BAG3: variants seen among roughly 807,000 people sequenced by gnomAD.
BAG3 encodes the protein BAG family molecular chaperone regulator 3.
Under a neutral mutation model 40.5 loss-of-function variants are expected in BAG3, and 14 were observed. The observed-to-expected ratio is 0.35, with a 90% CI of 0.23 to 0.54. The LOEUF (loss-of-function observed/expected upper bound fraction) is 0.54, where lower values mean the gene tolerates loss of function less well. Among genes scored for constraint, BAG3 ranks in the 20% least tolerant of loss-of-function variants. BAG3 has a pLI of 0.91. For synonymous variants in BAG3, 302 were observed against 307.8 expected (o/e 0.98, Z 0.20); for missense variants, 788 against 758.6 (o/e 1.04, Z -0.46).
Position 119,651,412 on chromosome 10 carries a change from G to A in BAG3, c.-264G>A, listed in dbSNP as rs1244827923. On this transcript the variant is annotated 5_prime_UTR_variant, in exon 1 of 4. Transcript: ENST00000369085. The stretch of plus-strand genomic sequence containing the variant: ...ACCCCGGGCCGCGGCCAACTTCTCT[G>A]GACTGGACCAGAAGTTTCTAGCCGG... 2 of 374,444 alleles carry A rather than the reference G, an allele frequency of 5.3e-6. No individual in the cohort carries two copies. Among genetic ancestry groups the A allele is most frequent in the Non-Finnish European group, 9.4e-6 (2 of 212,392 alleles). 23.2% of individuals were successfully genotyped at this position (374,444 alleles called of 1,614,324 possible).
At chr10:119,673,936 A>G (rs1453870704) in intron 3 of BAG3, among the ~76,000 whole-genome samples, 1 of 152,240 alleles carries the variant, frequency 6.6e-6, no homozygotes, top group Non-Finnish European at 1.5e-5. Context: ...CTCGTTCATA[A>G]CCATGGTAGA....
intron 1 of BAG3, among the ~76,000 whole-genome samples, chr10:119,656,249 G>GAAC (rs901444159): frequency 3.9e-5 from 6 of 152,076 alleles, no homozygotes; most frequent in African/African-American, 1.4e-4. Flanking sequence ...TGGCACTGGC[G>GAAC]AACACGAGTG....
chr10:119,670,869 C>G (rs1251666860), intron 2 of BAG3, among the ~76,000 whole-genome samples: 1 of 152,120 alleles, frequency 6.6e-6, no homozygotes, highest in Non-Finnish European at 1.5e-5. Flanking sequence ...AGCAGTAAGT[C>G]CTCTCATTTT....
intron 1 of BAG3, among the ~76,000 whole-genome samples, chr10:119,665,133 TATATATATA>T (rs1847045008): frequency 4.1e-5 from 3 of 73,110 alleles, no homozygotes; most frequent in Non-Finnish European, 6.1e-5. Flanking sequence ...TGTGTATATA[TATATATATA>T]TATTTTTTTT....
chr10:119,666,107 C>A (rs1314330325), intron 1 of BAG3, among the ~76,000 whole-genome samples: 1 of 152,228 alleles, frequency 6.6e-6, no homozygotes, highest in African/African-American at 2.4e-5. Context: ...CCTTTACCCT[C>A]CAGGCCCTCT....
In BAG3 at chr10:119,677,260, C is replaced by G; in HGVS notation, c.1706C>G (p.Pro569Arg). 1.2e-6 allele frequency: 2 copies of G among 1,614,098 alleles called. No individual in the cohort carries two copies. The highest frequency in any genetic ancestry group is 8.5e-7 in the Non-Finnish European group (1 of 1,180,040). The change falls in exon 4 of 4, where the codon CCT (proline) becomes CGT (arginine). Residue 569 changes from proline (P) to arginine (R), a missense_variant. Physicochemically the swap from Pro to Arg is moderately radical, Grantham distance 103. Transcript: ENST00000369085. Reference sequence around the variant, plus strand: ...AACCCCAGCAGCATGACAGACACCCCTGGTAACCCAGCAGCACCGTAGCCT... The same window carrying G: ...AACCCCAGCAGCATGACAGACACCCGTGGTAACCCAGCAGCACCGTAGCCT... ...TSNPSSMTDT[P>R]GNPAAP
At chr10:119,669,319 C>T (rs1156763495) in intron 1 of BAG3, among the ~76,000 whole-genome samples, 1 of 152,210 alleles carries the variant, frequency 6.6e-6, no homozygotes, top group Non-Finnish European at 1.5e-5. Flanking sequence ...TCTAACAATA[C>T]TCCTGAGGAG....
chr10:119,672,291 T>C lies in BAG3; in HGVS notation c.544T>C (p.Ser182Pro), dbSNP rs1265861420. 1 of 1,613,904 alleles carries C rather than the reference T, an allele frequency of 6.2e-7. No individual in the cohort carries two copies. The highest frequency in any genetic ancestry group is 1.7e-5 in the Admixed American group (1 of 60,022). The change falls in exon 3 of 4, where the codon TCA (serine) becomes CCA (proline). Residue 182 changes from serine to proline, a missense_variant. Transcript: ENST00000369085. This position sits in a 1 kb window ranked among gnomAD's most constrained non-coding sequence, Gnocchi z 4.8. Reference protein sequence around the residue: ...QSPAASDCSSSSSSASLPSSG... With the variant: ...QSPAASDCSSPSSSASLPSSG... The stretch of plus-strand genomic sequence containing the variant: ...TCCAGCTGCCTCTGACTGCTCATCC[T>C]CATCCTCCTCGGCCAGCCTGCCTTC...
In BAG3 at chr10:119,658,141, A is replaced by G. The variant is rs192199489; in HGVS notation, c.180+6286A>G. Among the ~76,000 whole-genome samples the G allele has an allele frequency of 3.3e-3, 502 of 152,314 alleles. 3 individuals are homozygous for G. Among genetic ancestry groups the G allele is most frequent in the African/African-American group, 0.011 (469 of 41,570 alleles). ...AGTGTTTATTAAAGTAGAATTATAT[A>G]TTTTTTTCAGTTATTTAAAAAATTC... On this transcript the variant is annotated intron_variant, in intron 1 of 3. Coordinates refer to ENST00000369085, the MANE Select transcript of BAG3 (RefSeq NM_004281.4).
chr10:119,676,224 G>T (rs1363661647), intron 3 of BAG3, among the ~76,000 whole-genome samples: 1 of 151,922 alleles, frequency 6.6e-6, no homozygotes, highest in Non-Finnish European at 1.5e-5. Context: ...TCAGTGAGAG[G>T]TAATAGACAA....
intron 2 of BAG3, among the ~76,000 whole-genome samples, chr10:119,671,102 A>G (rs577455239): frequency 5.9e-5 from 9 of 152,226 alleles, no homozygotes; most frequent in African/African-American, 2.2e-4. Context: ...GAGGCCAGGA[A>G]TTCAAGACCA....
At chr10:119,669,283 C>T (rs1271420094) in intron 1 of BAG3, among the ~76,000 whole-genome samples, 1 of 152,216 alleles carries the variant, frequency 6.6e-6, no homozygotes, top group East Asian at 1.9e-4. Context: ...CTCTGCATCC[C>T]TGTCCTTCCC....
intron 1 of BAG3, among the ~76,000 whole-genome samples, chr10:119,652,325 A>G (rs1846854560): frequency 1.3e-5 from 2 of 152,114 alleles, no homozygotes; most frequent in African/African-American, 4.8e-5. Context: ...GCAAGCTTGG[A>G]TGGTGGTTTT....
In BAG3 at chr10:119,657,427, T is replaced by C. The variant is rs1255371154; in HGVS notation, c.180+5572T>C. The stretch of plus-strand genomic sequence containing the variant: ...GTTAGGAGTTCTGGGGCAGAGTCTG[T>C]GTGCTTCATCGCTGCCTCTTGATGC... On this transcript the variant is annotated intron_variant, in intron 1 of 3. Coordinates refer to ENST00000369085, the MANE Select transcript of BAG3 (RefSeq NM_004281.4). 7.0e-6 allele frequency: 3 copies of C among 428,142 alleles called. No homozygotes were observed. The Admixed American group carries it at 7.7e-5, about 11-fold the overall frequency. 26.5% of individuals were successfully genotyped at this position (428,142 alleles called of 1,614,324 possible).
chr10:119,655,520 C>T (rs2134053150), intron 1 of BAG3, among the ~76,000 whole-genome samples: 1 of 152,302 alleles, frequency 6.6e-6, no homozygotes, highest in Non-Finnish European at 1.5e-5. Flanking sequence ...AGCAGAGCCT[C>T]CTGAATTTTC....
chr10:119,659,383 A>AG (rs1300515130), intron 1 of BAG3, among the ~76,000 whole-genome samples: 1 of 152,138 alleles, frequency 6.6e-6, no homozygotes, highest in Non-Finnish European at 1.5e-5. Context: ...GCTGCCTGTG[A>AG]GGGGGGACAT....
chr10:119,665,239 C>T (rs1847048815), intron 1 of BAG3, among the ~76,000 whole-genome samples: 2 of 150,648 alleles, frequency 1.3e-5, no homozygotes, highest in Admixed American at 6.6e-5. Flanking sequence ...CGGGTTCACG[C>T]CATTCTCCTG....
intron 1 of BAG3, among the ~76,000 whole-genome samples, chr10:119,667,300 T>A (rs1000828268): frequency 6.6e-6 from 1 of 152,188 alleles, no homozygotes; most frequent in Non-Finnish European, 1.5e-5. Flanking sequence ...TTGATTCCTT[T>A]GACACTTTGG....
chr10:119,657,459 G>C, intron 1 of BAG3: 1 of 455,776 alleles, frequency 2.2e-6, no homozygotes, highest in Non-Finnish European at 4.6e-6. Context: ...ATGCCTGGCA[G>C]GGTCCACAGG....
Sources: gnomAD v4.1 joint callset for allele counts (sites outside exome capture counted in the v4.1 genomes callset) on GRCh38, gnomAD v4.1.1 for gene constraint, Gnocchi (gnomAD v3.1) non-coding constraint, MANE v1.5 for transcripts, NCBI Gene and HGNC (gene_info 2026-07-23, HGNC 2026-07-21) for gene names.